ALDH18A1: variants seen among roughly 807,000 people sequenced by gnomAD.
The protein encoded by ALDH18A1 is aldehyde dehydrogenase 18 family member A1.
In ALDH18A1, 44 loss-of-function variants were observed where a neutral mutation model predicts 88.8. The observed-to-expected ratio is 0.50, with a 90% CI of 0.39 to 0.64. The LOEUF is 0.64. Among genes scored for constraint, ALDH18A1 ranks in the 30% least tolerant of loss-of-function variants. The pLI is 0.00. For synonymous variants in ALDH18A1, 331 were observed against 372.1 expected (o/e 0.89, Z 1.27); for missense variants, 782 against 1,009.5 (o/e 0.77, Z 3.05).
At chr10:95,631,704 C>T (rs572201055) in intron 7 of ALDH18A1, among the ~76,000 whole-genome samples, 12 of 134,502 alleles carry the variant, frequency 8.9e-5, no homozygotes, top group African/African-American at 2.7e-4. Context: ...TATTGTGCCA[C>T]TACACTCCTG....
At chr10:95,629,350 A>G (rs962485809) in intron 7 of ALDH18A1, among the ~76,000 whole-genome samples, 1 of 152,170 alleles carries the variant, frequency 6.6e-6, no homozygotes, top group Non-Finnish European at 1.5e-5. Flanking sequence ...GTGCTATAAT[A>G]TACCTCTCCC....
intron 1 of ALDH18A1, among the ~76,000 whole-genome samples, chr10:95,654,684 T>C (rs2097915242): frequency 6.6e-6 from 1 of 150,926 alleles, no homozygotes. Context: ...AGGATGCAGC[T>C]GTTCTAAAAC....
intron 1 of ALDH18A1, among the ~76,000 whole-genome samples, chr10:95,655,186 T>C (rs2097916042): frequency 6.6e-6 from 1 of 151,974 alleles, no homozygotes; most frequent in Admixed American, 6.6e-5. Context: ...ATGTGCACAA[T>C]GTGCAGGTTA....
At chr10:95,615,184 T>C (rs1448834413) in intron 13 of ALDH18A1, among the ~76,000 whole-genome samples, 1 of 151,902 alleles carries the variant, frequency 6.6e-6, no homozygotes, top group Non-Finnish European at 1.5e-5. Context: ...CCACAAAAGT[T>C]AGTCAGGTCT....
intron 10 of ALDH18A1, among the ~76,000 whole-genome samples, chr10:95,626,468 T>C (rs1358499552): frequency 2.0e-5 from 3 of 152,152 alleles, no homozygotes; most frequent in African/African-American, 4.8e-5. Flanking sequence ...ATGATGCTCT[T>C]GATCAAAACA....
chr10:95,606,423 G>A lies in ALDH18A1; in HGVS notation c.*339C>T. On this transcript the variant is annotated 3_prime_UTR_variant, in exon 18 of 18. Coordinates refer to ENST00000371224, the MANE Select transcript of ALDH18A1 (RefSeq NM_002860.4). ...TCTAGTACCAACTAAATGCCAAGGG[G>A]GACTGTAAGTCACTGAGGTGACACA... 8.5e-7 allele frequency: 1 copy of A among 1,172,062 alleles called. No individual in the cohort carries two copies. The highest frequency in any genetic ancestry group is 1.1e-6 in the Non-Finnish European group (1 of 941,378). 72.6% of individuals were successfully genotyped at this position (1,172,062 alleles called of 1,614,324 possible).
rs765958522 is a variant in ALDH18A1, at chr10:95,621,228, T to C, written c.1270A>G (p.Lys424Glu). Residue 424 changes from lysine to glutamate, a missense_variant, in exon 12 of 18, where the codon AAA (lysine) becomes GAA (glutamate). Physicochemically the swap from Lys to Glu is moderately conservative, Grantham distance 56. Coordinates refer to ENST00000371224, the MANE Select transcript of ALDH18A1 (RefSeq NM_002860.4). Reference sequence around the variant, plus strand: ...TTGGATGTGGAGAGGCTTAAACGTTTCAGCAGAGGAGCTGCAAGTCTCCCT... The same window carrying C: ...TTGGATGTGGAGAGGCTTAAACGTTCCAGCAGAGGAGCTGCAAGTCTCCCT... ...AEGRLAAPLLKRLSLSTSKLN... is the reference protein window; with the variant it reads ...AEGRLAAPLLERLSLSTSKLN... 6.2e-7 allele frequency: 1 copy of C among 1,613,426 alleles called. No homozygotes were observed. Among genetic ancestry groups the C allele is most frequent in the Non-Finnish European group, 8.5e-7 (1 of 1,179,814 alleles).
rs142232443 is a variant in ALDH18A1 at position 95,636,145 on chromosome 10, A to C, written c.558+948T>G. 2.3e-3 allele frequency among the ~76,000 whole-genome samples: 354 copies of C among 152,346 alleles called. 2 individuals carry two copies. The highest frequency in any genetic ancestry group is 8.0e-3 in the African/African-American group (333 of 41,570). On this transcript the variant is annotated intron_variant, in intron 5 of 17. Transcript: ENST00000371224. ...GTGGGTACAAACAGGCAAATGATGGAGAAACAAAAAAAAGTAACAGGAAAT... is the reference window on the plus strand; with the variant it reads ...GTGGGTACAAACAGGCAAATGATGGCGAAACAAAAAAAAGTAACAGGAAAT...
chr10:95,626,893 CAT>C lies in ALDH18A1; in HGVS notation c.1079-119_1079-118del, dbSNP rs1013816502. On this transcript the variant is annotated intron_variant, in intron 9 of 17. Transcript: ENST00000371224. The stretch of plus-strand genomic sequence containing the variant: ...GCTCATCACGCCCACAGAAGGAACA[CAT>C]GATGTCTTGGTATGCTTGTTTCACA... 6.8e-6 allele frequency: 7 copies of C among 1,022,406 alleles called. No individual in the cohort carries two copies. In the Admixed American group the frequency reaches 7.7e-5, roughly 11 times the overall value. The allele number at this position is 1,022,406 out of a possible 1,614,324, so 63.3% of individuals were successfully genotyped here.
At chr10:95,652,125 G>T (rs1490284392) in intron 2 of ALDH18A1, among the ~76,000 whole-genome samples, 1 of 152,084 alleles carries the variant, frequency 6.6e-6, no homozygotes, top group Non-Finnish European at 1.5e-5. Context: ...ATTCCAAAAG[G>T]TTACATACTG....
intron 11 of ALDH18A1, among the ~76,000 whole-genome samples, chr10:95,622,193 A>G (rs1460254905): frequency 2.0e-5 from 3 of 152,120 alleles, no homozygotes; most frequent in African/African-American, 7.2e-5. Context: ...AAAAAAGAAA[A>G]CTTTTTTCCT....
chr10:95,614,157 T>A lies in ALDH18A1; in HGVS notation c.1610A>T (p.Asn537Ile), dbSNP rs2097840629. Residue 537 changes from asparagine (N) to isoleucine (I), a missense_variant, in exon 14 of 18, where the codon AAT becomes ATT. Transcript: ENST00000371224. Reference protein sequence around the residue: ...HGVKEAVQLVNTREEVEDLCR... With the variant: ...HGVKEAVQLVITREEVEDLCR... ...AAGATCTTCAACTTCTTCTCTGGTA[T>A]TCACCTTTAGAAGGAAAGAAGAAAA... The A allele has an allele frequency of 6.2e-7, 1 of 1,613,992 alleles. No homozygotes were observed. The highest frequency in any genetic ancestry group is 1.7e-5 in the Admixed American group (1 of 59,998).
rs771775058 is a variant in ALDH18A1 at position 95,637,204 on chromosome 10, T to C, written c.454-7A>G. On this transcript the variant is annotated splice_polypyrimidine_tract_variant and splice_region_variant and intron_variant, in intron 4 of 17. Transcript: ENST00000371224. ...CCTCTAAGACTGGAATTGCCTGTAA[T>C]ATACCAATGAGACAAGGTGTGGTAG... is the stretch of plus-strand genomic sequence containing the variant. The C allele has an allele frequency of 6.2e-7, 1 of 1,614,206 alleles. No individual in the cohort carries two copies. The highest frequency in any genetic ancestry group is 1.1e-5 in the South Asian group (1 of 91,084).
At chr10:95,641,571 C>T (rs1325944088) in intron 3 of ALDH18A1, among the ~76,000 whole-genome samples, 6 of 151,232 alleles carry the variant, frequency 4.0e-5, no homozygotes, top group Non-Finnish European at 5.9e-5. Flanking sequence ...TGTAGTGCAG[C>T]GACTTTATCA....
intron 11 of ALDH18A1, among the ~76,000 whole-genome samples, chr10:95,622,837 C>T (rs1407968748): frequency 6.6e-6 from 1 of 152,040 alleles, no homozygotes; most frequent in Admixed American, 6.6e-5. Flanking sequence ...GCACCCGGCC[C>T]AGAATTTTTT....
chr10:95,640,284 T>A (rs1220932205), intron 3 of ALDH18A1, among the ~76,000 whole-genome samples: 4 of 152,118 alleles, frequency 2.6e-5, no homozygotes, highest in Non-Finnish European at 5.9e-5. Flanking sequence ...GTTTTTTTTT[T>A]AAGTATAATT....
intron 15 of ALDH18A1, among the ~76,000 whole-genome samples, chr10:95,611,743 G>A (rs542469025): frequency 2.2e-3 from 335 of 150,264 alleles, no homozygotes; most frequent in Non-Finnish European, 3.5e-3. Context: ...AGGCTGAGAC[G>A]GGTGGATAAC....
rs1198519504 is a variant in ALDH18A1, at chr10:95,625,426, A to G, written c.1182T>C (p.Asp394=). 3.1e-6 allele frequency: 5 copies of G among 1,613,910 alleles called. No homozygotes were observed. In the South Asian group the frequency reaches 4.4e-5, roughly 14 times the overall value. ...TCTCATCACGCTGGTCCGTCAACAG[A>G]TCAGCCAGATGATGGATAATTTCTG... ...QRAEIIHHLA[D]LLTDQRDEIL... The change falls in exon 11 of 18, where the codon GAT becomes GAC. Residue 394 remains aspartate (D), a synonymous_variant. Transcript: ENST00000371224.
intron 2 of ALDH18A1, among the ~76,000 whole-genome samples, chr10:95,650,370 A>G (rs1249270310): frequency 6.6e-6 from 1 of 152,224 alleles, no homozygotes; most frequent in Admixed American, 6.5e-5. Flanking sequence ...TGGTTTGGAT[A>G]TGGTTTGGCC....
Sources: allele counts gnomAD v4.1 joint callset (sites outside exome capture counted in the v4.1 genomes callset), GRCh38; gene constraint gnomAD v4.1.1; transcripts MANE v1.5; gene names NCBI Gene and HGNC (gene_info 2026-07-23, HGNC 2026-07-21).